Variants in CENPC observed in about 807,000 individuals in gnomAD.
CENPC encodes centromere protein C.
A neutral mutation model predicts 112.1 loss-of-function variants in CENPC; 63 were observed. That is an observed-to-expected ratio of 0.56 (90% CI 0.46 to 0.69). The LOEUF (loss-of-function observed/expected upper bound fraction) is 0.69, where lower values mean the gene tolerates loss of function less well. Ranked by LOEUF, CENPC falls within the 30% of genes least tolerant of loss-of-function variation. The pLI, the probability that CENPC is intolerant of heterozygous loss-of-function variation, is 0.00. For missense variants in CENPC, 1,000 were observed against 1,103.8 expected (o/e 0.91, Z 1.33); for synonymous variants, 333 against 367.6 (o/e 0.91, Z 1.08).
rs1724683168 is a variant in CENPC, at chr4:67,472,177, G to A, written c.*428C>T. 1 of 152,398 alleles carries A rather than the reference G, an allele frequency of 6.6e-6. No homozygotes were observed. Among genetic ancestry groups the A allele is most frequent in the South Asian group, 2.1e-4 (1 of 4,826 alleles). 9.4% of individuals were successfully genotyped at this position (152,398 alleles called of 1,614,324 possible). A position where few individuals can be genotyped will look rare whatever the true frequency, so the allele number is the denominator to read the frequency against. ...GTTGCTTTAAGTCACTCATTTTGTG[G>A]TATTTTGTTACAGCAGTTCTAGGAA... On this transcript the variant is annotated 3_prime_UTR_variant, in exon 19 of 19. Transcript: ENST00000273853.
chr4:67,498,696 T>A (rs1164045282), intron 12 of CENPC, among the ~76,000 whole-genome samples: 1 of 152,206 alleles, frequency 6.6e-6, no homozygotes, highest in Non-Finnish European at 1.5e-5. Flanking sequence ...TAATTCTAGT[T>A]CCCTGGCTAT....
In CENPC at chr4:67,512,741, G is replaced by A. The variant is rs183639938; in HGVS notation, c.1445-172C>T. Among the ~76,000 whole-genome samples, 97 of 152,062 alleles carry A rather than the reference G, an allele frequency of 6.4e-4. 2 individuals carry two copies. The East Asian group carries it at 0.017, about 27-fold the overall frequency. The stretch of plus-strand genomic sequence containing the variant: ...TCTCTTTCTGTCAATTATATGTGCT[G>A]CTGAAGTAAGCACTAACTTCCTATT... On this transcript the variant is annotated intron_variant, in intron 8 of 18. Transcript: ENST00000273853.
rs1367617770 is a variant in CENPC, at chr4:67,519,342, A to C, written c.492T>G (p.Asp164Glu). The change falls in exon 6 of 19, where the codon GAT becomes GAG. Residue 164 changes from aspartate to glutamate, a missense_variant. Transcript: ENST00000273853. ...LSVGSPSVLL[D>E]AKTSVSQNVI... ...CATTTTGTGATACAGATGTTTTTGC[A>C]TCCAAAAGAACAGAAGGTGAGCCAA... The C allele has an allele frequency of 1.2e-6, 2 of 1,612,854 alleles. No homozygotes were observed. The highest frequency in any genetic ancestry group is 4.5e-5 in the East Asian group (2 of 44,780).
At chr4:67,534,452 C>T (rs1349342831) in intron 4 of CENPC, among the ~76,000 whole-genome samples, 1 of 152,152 alleles carries the variant, frequency 6.6e-6, no homozygotes, top group East Asian at 1.9e-4. Context: ...CCAAACCTAT[C>T]AGAAGATTAT....
At position 67,519,371 on chromosome 4, in the gene CENPC, A is replaced by C. The variant is rs1726154791; in HGVS notation, c.463T>G (p.Ser155Ala). The change falls in exon 6 of 19, where the codon TCC becomes GCC. Residue 155 changes from serine (S) to alanine (A), a missense_variant. Physicochemically the swap from Ser to Ala is moderately conservative, Grantham distance 99. Transcript: ENST00000273853. ...AAAAGAACAGAAGGTGAGCCAACGG[A>C]TAAGTAAAATTCTTCATCAGCTTCA... Reference protein sequence around the residue: ...HSEADEEFYLSVGSPSVLLDA... With the variant: ...HSEADEEFYLAVGSPSVLLDA... The C allele has an allele frequency of 5.0e-6, 8 of 1,613,296 alleles. No individual in the cohort carries two copies. Among genetic ancestry groups the C allele is most frequent in the Non-Finnish European group, 6.8e-6 (8 of 1,179,588 alleles).
intron 12 of CENPC, among the ~76,000 whole-genome samples, chr4:67,498,218 G>A (rs907711270): frequency 6.6e-6 from 1 of 152,122 alleles, no homozygotes; most frequent in Non-Finnish European, 1.5e-5. Context: ...CTGGGTATTA[G>A]AGCAAGCCTC....
At chr4:67,504,922 C>G (rs1212059123) in intron 12 of CENPC, 1 of 343,100 alleles carries the variant, frequency 2.9e-6, no homozygotes, top group Non-Finnish European at 5.2e-6. Flanking sequence ...ATCAACAGAT[C>G]ACTAATCTGC....
intron 18 of CENPC, among the ~76,000 whole-genome samples, chr4:67,474,426 G>A (rs564727768): frequency 3.3e-5 from 5 of 152,226 alleles, no homozygotes; most frequent in African/African-American, 1.2e-4. Flanking sequence ...CTAATTGGTT[G>A]GGCACTGTGG....
Position 67,493,077 on chromosome 4 carries a change from C to T in CENPC, c.2291-80G>A, listed in dbSNP as rs550274923. On this transcript the variant is annotated intron_variant, in intron 14 of 18. Transcript: ENST00000273853. ...AAAACTCCTTAAATTTAATATGGCACATTTCCTTTCAAAGTACCAAAGAAT... is the reference window on the plus strand; with the variant it reads ...AAAACTCCTTAAATTTAATATGGCATATTTCCTTTCAAAGTACCAAAGAAT... 362 of 1,153,140 alleles carry T rather than the reference C, an allele frequency of 3.1e-4. 4 individuals are homozygous for T. In the South Asian group the frequency reaches 5.1e-3, roughly 16 times the overall value. 71.4% of individuals were successfully genotyped at this position (1,153,140 alleles called of 1,614,324 possible).
chr4:67,520,414 G>T (rs1335250886), intron 5 of CENPC, among the ~76,000 whole-genome samples: 1 of 152,076 alleles, frequency 6.6e-6, no homozygotes, highest in Non-Finnish European at 1.5e-5. Context: ...GACACCCCAG[G>T]CCATCCCAGT....
Position 67,519,248 on chromosome 4 carries a change from T to G in CENPC, c.586A>C (p.Ser196Arg). 1 of 1,592,924 alleles carries G rather than the reference T, an allele frequency of 6.3e-7. No individual in the cohort carries two copies. The highest frequency in any genetic ancestry group is 8.6e-7 in the Non-Finnish European group (1 of 1,166,342). The change falls in exon 6 of 19, where the codon AGT (serine) becomes CGT (arginine). Residue 196 changes from serine (S) to arginine (R), a missense_variant. Physicochemically the swap from Ser to Arg is moderately radical, Grantham distance 110. Coordinates refer to ENST00000273853, the MANE Select transcript of CENPC (RefSeq NM_001812.4). ...TTGGTTTTAACTGAAACCTCTGTAC[T>G]TGAAGGCAGCATATTTACTGAATTT... Reference protein sequence around the residue: ...FENSVNMLPSSTEVSVKTKKR... With the variant: ...FENSVNMLPSRTEVSVKTKKR...
intron 10 of CENPC, 70 bp from the exon 11 acceptor site, chr4:67,507,004 C>T (rs1194917892): frequency 2.6e-6 from 3 of 1,132,568 alleles, no homozygotes; most frequent in South Asian, 1.6e-5. Context: ...AAACGATACA[C>T]AGGTGGGTAC....
At chr4:67,516,905 T>C (rs1314437031) in intron 7 of CENPC, among the ~76,000 whole-genome samples, 1 of 151,974 alleles carries the variant, frequency 6.6e-6, no homozygotes, top group Non-Finnish European at 1.5e-5. Flanking sequence ...GCACTGGGAA[T>C]AATGAATAGT....
chr4:67,495,049 A>G, intron 13 of CENPC, 110 bp downstream of exon 13: 2 of 1,056,190 alleles, frequency 1.9e-6, no homozygotes, highest in Non-Finnish European at 2.6e-6. Context: ...TCTGCCAATT[A>G]ATCCACATAA....
At chr4:67,491,758 T>G (rs956388168) in intron 16 of CENPC, among the ~76,000 whole-genome samples, 5 of 152,062 alleles carry the variant, frequency 3.3e-5, no homozygotes, top group African/African-American at 1.2e-4. Context: ...ATTACTGCCA[T>G]CTGTAGGCCC....
At chr4:67,527,709 T>C (rs573668704) in intron 5 of CENPC, among the ~76,000 whole-genome samples, 259 of 152,004 alleles carry the variant, frequency 1.7e-3, no homozygotes, top group African/African-American at 5.9e-3. Context: ...CTACGTTGCC[T>C]AGGCTGGTCT....
chr4:67,525,698 C>T (rs1726356689), intron 5 of CENPC, among the ~76,000 whole-genome samples: 1 of 152,106 alleles, frequency 6.6e-6, no homozygotes, highest in African/African-American at 2.4e-5. Flanking sequence ...TGTGGAGAAA[C>T]AGGAAGACTT....
intron 9 of CENPC, among the ~76,000 whole-genome samples, chr4:67,509,448 T>A (rs1017999558): frequency 1.3e-5 from 2 of 152,110 alleles, no homozygotes; most frequent in Non-Finnish European, 2.9e-5. Context: ...TCACTCCATA[T>A]ACTTTCATTG....
At chr4:67,501,364 C>T (rs1560427843) in intron 12 of CENPC, among the ~76,000 whole-genome samples, 2 of 152,084 alleles carry the variant, frequency 1.3e-5, no homozygotes. Flanking sequence ...ACGTTGTGTG[C>T]CTCCTGTGTG....
Sources: allele counts gnomAD v4.1 joint callset (sites outside exome capture counted in the v4.1 genomes callset), GRCh38; gene constraint gnomAD v4.1.1; transcripts MANE v1.5; gene names NCBI Gene and HGNC (gene_info 2026-07-23, HGNC 2026-07-21).